CDK13: variants seen among roughly 807,000 people sequenced by gnomAD.
The protein encoded by CDK13 is cyclin-dependent kinase 13.
Under a neutral mutation model 137.6 loss-of-function variants are expected in CDK13, and 40 were observed. That is an observed-to-expected ratio of 0.29 (90% CI 0.23 to 0.38). The LOEUF is 0.38. CDK13 is among the 10% of genes least tolerant of loss of function. The probability of loss-of-function intolerance (pLI) is 1.00; values close to 1 mark genes in which losing one functional copy is unlikely to be tolerated. For synonymous variants in CDK13, 869 were observed against 760.1 expected (o/e 1.14, Z -2.36); for missense variants, 1,704 against 1,951.8 (o/e 0.87, Z 2.39).
intron 1 of CDK13, among the ~76,000 whole-genome samples, chr7:39,971,523 A>G (rs1753022662): frequency 6.6e-6 from 1 of 152,134 alleles, no homozygotes; most frequent in Non-Finnish European, 1.5e-5. Context: ...TCTCAAAAAA[A>G]CAAAACAAAA....
Position 40,096,457 on chromosome 7 carries a change from AT to A in CDK13, c.*1479del, listed in dbSNP as rs1787049835. 6.6e-6 allele frequency: 1 copy of A among 152,166 alleles called. No individual in the cohort carries two copies. The highest frequency in any genetic ancestry group is 2.4e-5 in the African/African-American group (1 of 41,446). The allele number at this position is 152,166 out of a possible 1,614,324, so 9.4% of individuals were successfully genotyped here. A position where few individuals can be genotyped will look rare whatever the true frequency, so the allele number is the denominator to read the frequency against. On this transcript the variant is annotated 3_prime_UTR_variant, in exon 14 of 14. Transcript: ENST00000181839. ...CACACATACACACACAATTATACTAATTCTAGAAAGGAACCAAAGGTAAATA... is the reference window on the plus strand; with the variant it reads ...CACACATACACACACAATTATACTAATCTAGAAAGGAACCAAAGGTAAATA...
chr7:40,077,890 A>G (rs895847276), intron 9 of CDK13, 115 bp from the exon 10 acceptor site: 18 of 531,164 alleles, frequency 3.4e-5, no homozygotes, highest in African/African-American at 2.0e-4. Context: ...AAAAGTTTTT[A>G]TAGACCAAGG....
At chr7:39,961,571 A>G (rs1014550403) in intron 1 of CDK13, among the ~76,000 whole-genome samples, 2 of 151,896 alleles carry the variant, frequency 1.3e-5, no homozygotes, top group African/African-American at 4.8e-5. Flanking sequence ...AATTTTCTAG[A>G]TTCCACATAT....
At chr7:39,959,286 C>G (rs559124659) in intron 1 of CDK13, among the ~76,000 whole-genome samples, 1 of 151,800 alleles carries the variant, frequency 6.6e-6, no homozygotes, top group South Asian at 2.1e-4. Flanking sequence ...TTCAGCCTTC[C>G]GAGTAGCTGG....
intron 10 of CDK13, chr7:40,078,490 T>C (rs1786594736): frequency 3.6e-6 from 1 of 275,928 alleles, no homozygotes; most frequent in East Asian, 6.8e-5. Context: ...ATATATACTA[T>C]TGTTTAGAAA....
At chr7:40,090,767 G>C (rs1443439220) in intron 12 of CDK13, among the ~76,000 whole-genome samples, 1 of 152,128 alleles carries the variant, frequency 6.6e-6, no homozygotes, top group Non-Finnish European at 1.5e-5. Flanking sequence ...GTTACTTGCG[G>C]GGCTGAAGCA....
chr7:39,978,010 G>A (rs1372474619), intron 1 of CDK13, among the ~76,000 whole-genome samples: 1 of 152,162 alleles, frequency 6.6e-6, no homozygotes. Flanking sequence ...TATTTAAGGA[G>A]AAGGAGGGTG....
At chr7:40,030,251 A>ATG (rs1785343785) in intron 5 of CDK13, among the ~76,000 whole-genome samples, 1 of 119,886 alleles carries the variant, frequency 8.3e-6, no homozygotes, top group African/African-American at 4.7e-5. Flanking sequence ...GTGTGTGTAT[A>ATG]TGTGTGTGTG....
At chr7:40,015,939 G>A (rs1046835853) in intron 5 of CDK13, among the ~76,000 whole-genome samples, 4 of 152,266 alleles carry the variant, frequency 2.6e-5, no homozygotes, top group Admixed American at 1.3e-4. Context: ...GATAATAAGG[G>A]AAATGCAAAG....
chr7:40,074,229 A>G (rs1284918095), intron 9 of CDK13, among the ~76,000 whole-genome samples: 5 of 151,580 alleles, frequency 3.3e-5, no homozygotes, highest in Admixed American at 2.6e-4. Context: ...CTTAGAAAAT[A>G]TAATGGGCAT....
At chr7:40,079,248 G>A (rs13240309) in intron 11 of CDK13, among the ~76,000 whole-genome samples, 3 of 152,174 alleles carry the variant, frequency 2.0e-5, no homozygotes, top group South Asian at 4.1e-4. Context: ...GCAAAACCCC[G>A]TCTCTACTAA....
intron 11 of CDK13, among the ~76,000 whole-genome samples, 164 bp downstream of exon 11, chr7:40,079,015 G>T (rs1786606855): frequency 6.6e-6 from 1 of 151,992 alleles, no homozygotes; most frequent in South Asian, 2.1e-4. Context: ...GCACATCTGG[G>T]ATATAGATGC....
rs1190966840 is a variant in CDK13, at chr7:39,950,655, C to T, written c.14C>T (p.Ser5Leu). The T allele has an allele frequency of 4.5e-6, 6 of 1,343,608 alleles. No homozygotes were observed. The highest frequency in any genetic ancestry group is 5.7e-6 in the Non-Finnish European group (6 of 1,050,540). 83.2% of individuals were successfully genotyped at this position (1,343,608 alleles called of 1,614,324 possible). A position where few individuals can be genotyped will look rare whatever the true frequency, so the allele number is the denominator to read the frequency against. Residue 5 changes from serine to leucine, a missense_variant, in exon 1 of 14, where the codon TCG (serine) becomes TTG (leucine). Transcript: ENST00000181839. ...TGGCTCTAGGCGATGCCGAGCAGCT[C>T]GGACACGGCGCTGGGGGGAGGCGGG... is the stretch of plus-strand genomic sequence containing the variant. MPSS[S>L]DTALGGGGGL...
intron 1 of CDK13, among the ~76,000 whole-genome samples, chr7:39,955,585 T>A (rs1787382228): frequency 6.6e-6 from 1 of 151,978 alleles, no homozygotes; most frequent in Admixed American, 6.6e-5. Context: ...TCTGCTTGGG[T>A]ATTTATGTGT....
At chr7:40,019,842 G>A (rs1318081553) in intron 5 of CDK13, among the ~76,000 whole-genome samples, 1 of 152,102 alleles carries the variant, frequency 6.6e-6, no homozygotes, top group Non-Finnish European at 1.5e-5. Flanking sequence ...GCAGGGTTTA[G>A]GGTTGGTTGA....
At chr7:39,981,068 G>T (rs1312039050) in intron 1 of CDK13, among the ~76,000 whole-genome samples, 1 of 152,120 alleles carries the variant, frequency 6.6e-6, no homozygotes, top group Non-Finnish European at 1.5e-5. Flanking sequence ...CGGAATATTA[G>T]GAAAACATTT....
At chr7:40,075,806 C>G (rs186348225) in intron 9 of CDK13, among the ~76,000 whole-genome samples, 108 of 152,212 alleles carry the variant, frequency 7.1e-4, no homozygotes, top group Non-Finnish European at 1.4e-3. Flanking sequence ...GCCAGGCGTT[C>G]AAGACCAGCC....
Position 40,094,245 on chromosome 7 carries a change from A to C in CDK13, c.3804A>C (p.Pro1268=), listed in dbSNP as rs1786993152. ...DQRPPEPPEP[P]PVTEEDLDYR... is the part of the protein sequence containing the mutation. Reference sequence around the variant, plus strand: ...GACCTCCCGAGCCTCCTGAACCACCACCAGTCACTGAGGAAGATCTAGATT... The same window carrying C: ...GACCTCCCGAGCCTCCTGAACCACCCCCAGTCACTGAGGAAGATCTAGATT... Residue 1268 remains proline, a synonymous_variant, in exon 14 of 14, where the codon CCA becomes CCC. Transcript: ENST00000181839. 1.9e-6 allele frequency: 3 copies of C among 1,612,840 alleles called. No individual in the cohort carries two copies. Among genetic ancestry groups the C allele is most frequent in the Non-Finnish European group, 2.5e-6 (3 of 1,179,544 alleles).
At chr7:39,971,480 A>G (rs1364133359) in intron 1 of CDK13, among the ~76,000 whole-genome samples, 1 of 152,094 alleles carries the variant, frequency 6.6e-6, no homozygotes. Flanking sequence ...TCTTGCCACT[A>G]CACTCCAGCC....
Sources: allele counts gnomAD v4.1 joint callset (sites outside exome capture counted in the v4.1 genomes callset), GRCh38; gene constraint gnomAD v4.1.1; transcripts MANE v1.5; gene names NCBI Gene and HGNC (gene_info 2026-07-23, HGNC 2026-07-21).